Variants in COX15 observed in about 807,000 individuals in gnomAD.
COX15 encodes the protein heme A synthase COX15.
COX15 carries 51 observed loss-of-function variants against 51.9 expected under a neutral mutation model. That is an observed-to-expected ratio of 0.98 (90% CI 0.78 to 1.24). The LOEUF is 1.24. Among genes scored for constraint, COX15 ranks in the 50% most tolerant of loss-of-function variants. The probability of loss-of-function intolerance (pLI) is 0.00; values close to 1 mark genes in which losing one functional copy is unlikely to be tolerated. For missense variants in COX15, 420 were observed against 501.1 expected, an observed-to-expected ratio of 0.84 and a Z score of 1.55; for synonymous variants, 188 against 190.5, an observed-to-expected ratio of 0.99 and a Z score of 0.11.
the COX15 span, among the ~76,000 whole-genome samples, chr10:99,695,297 G>A: frequency 1.3e-5 from 2 of 151,998 alleles, no homozygotes; most frequent in East Asian, 3.9e-4. Flanking sequence ...GGCTGAGAAG[G>A]GCTGATCATG....
chr10:99,728,048 G>A (rs1365213983), intron 2 of COX15, among the ~76,000 whole-genome samples: 2 of 152,178 alleles, frequency 1.3e-5, no homozygotes, highest in African/African-American at 4.8e-5. Flanking sequence ...CGTGGAATGT[G>A]AAGAGAATTT....
In COX15 at chr10:99,718,413, G is replaced by A. The variant is rs1462060157; in HGVS notation, c.920C>T (p.Thr307Ile). ...GESWIPEDLFTFSPILRNVFE... is the reference protein window; with the variant it reads ...GESWIPEDLFIFSPILRNVFE... The stretch of plus-strand genomic sequence containing the variant: ...AACATTCCTCAGGATGGGGGAGAAG[G>A]TAAAGAGGTCCTCCGGGATCCAGGA... The change falls in exon 7 of 9, where the codon ACC becomes ATC. Residue 307 changes from threonine (T) to isoleucine (I), a missense_variant. Coordinates refer to ENST00000016171, the MANE Select transcript of COX15 (RefSeq NM_078470.6). The A allele has an allele frequency of 6.2e-7, 1 of 1,614,072 alleles. No individual in the cohort carries two copies. Among genetic ancestry groups the A allele is most frequent in the Non-Finnish European group, 8.5e-7 (1 of 1,179,980 alleles).
chr10:99,699,856 G>A, the COX15 span, among the ~76,000 whole-genome samples: 5 of 152,090 alleles, frequency 3.3e-5, no homozygotes, highest in South Asian at 8.3e-4. Context: ...GTGAGTCACC[G>A]TACCCAGCCT....
chr10:99,721,564 C>G (rs2036771459), intron 5 of COX15, among the ~76,000 whole-genome samples: 1 of 152,106 alleles, frequency 6.6e-6, no homozygotes, highest in Admixed American at 6.6e-5. Flanking sequence ...TGTTTTTATT[C>G]TTATTACCAA....
chr10:99,700,081 G>A, the COX15 span, among the ~76,000 whole-genome samples: 164 of 152,210 alleles, frequency 1.1e-3, no homozygotes, highest in African/African-American at 3.6e-3. Flanking sequence ...CCTCCAGGAC[G>A]ACCTTCACGC....
At chr10:99,698,701 C>T in the COX15 span, 1 of 1,614,154 alleles carries the variant, frequency 6.2e-7, no homozygotes, top group Non-Finnish European at 8.5e-7. Flanking sequence ...CTGGCTCGCT[C>T]CAACACCAGC....
At chr10:99,715,325 G>C (rs1199587029) in intron 8 of COX15, among the ~76,000 whole-genome samples, 1 of 152,068 alleles carries the variant, frequency 6.6e-6, no homozygotes, top group Non-Finnish European at 1.5e-5. Context: ...TTTTAGTAGA[G>C]ACAGAGTTTC....
chr10:99,702,506 A>C, the COX15 span: 1 of 1,536,962 alleles, frequency 6.5e-7, no homozygotes. Flanking sequence ...TATTTTTGTC[A>C]CACAGATATC....
At position 99,727,035 on chromosome 10, in the gene COX15, C is replaced by T. The variant is rs751512832; in HGVS notation, c.515G>A (p.Arg172Lys). 1.9e-6 allele frequency: 3 copies of T among 1,614,232 alleles called. No homozygotes were observed. Among genetic ancestry groups the T allele is most frequent in the Admixed American group, 3.3e-5 (2 of 60,028 alleles). The change falls in exon 4 of 9, where the codon AGA (arginine) becomes AAA (lysine). Residue 172 changes from arginine (R) to lysine (K), a missense_variant. Coordinates refer to ENST00000016171, the MANE Select transcript of COX15 (RefSeq NM_078470.6). ...CATGCCACGGCTGAGCCAGCCCTTTCTCCAAAAGTAGGCAGCAGGCAGGAT... is the reference window on the plus strand; with the variant it reads ...CATGCCACGGCTGAGCCAGCCCTTTTTCCAAAAGTAGGCAGCAGGCAGGAT... ...VYILPAAYFW[R>K]KGWLSRGMKG... is the part of the protein sequence containing the mutation.
chr10:99,704,679 C>A, the COX15 span: 1 of 1,612,752 alleles, frequency 6.2e-7, no homozygotes, highest in South Asian at 1.1e-5. Flanking sequence ...CAGGTGGGGC[C>A]GTGAGGCTGG....
chr10:99,696,944 G>A, the COX15 span, among the ~76,000 whole-genome samples: 2 of 152,120 alleles, frequency 1.3e-5, no homozygotes, highest in African/African-American at 2.4e-5. Context: ...ACCCAGTCAC[G>A]GAGAGAAGGA....
chr10:99,722,750 C>T (rs2036816616), intron 5 of COX15, among the ~76,000 whole-genome samples: 1 of 152,062 alleles, frequency 6.6e-6, no homozygotes, highest in African/African-American at 2.4e-5. Context: ...TGAAGAATTG[C>T]TTGAACCCGG....
the COX15 span, among the ~76,000 whole-genome samples, chr10:99,696,548 G>C: frequency 6.6e-6 from 1 of 152,146 alleles, no homozygotes; most frequent in Non-Finnish European, 1.5e-5. Flanking sequence ...ATGTCTAAAA[G>C]ATAAAAAGCA....
chr10:99,729,474 A>T, intron 2 of COX15, 79 bp downstream of exon 2: 2 of 1,483,210 alleles, frequency 1.3e-6, no homozygotes, highest in Non-Finnish European at 1.9e-6. Context: ...AAAAAAAAAA[A>T]AAAAATCCTT....
intron 2 of COX15, 71 bp from the exon 3 acceptor site, chr10:99,727,634 A>G: frequency 2.0e-6 from 3 of 1,533,500 alleles, no homozygotes; most frequent in Non-Finnish European, 2.7e-6. Context: ...TATAGCAACA[A>G]GTGGATCTGA....
At chr10:99,718,608 G>T in intron 6 of COX15, 108 bp from the exon 7 acceptor site, 1 of 1,142,158 alleles carries the variant, frequency 8.8e-7, no homozygotes, top group Non-Finnish European at 1.3e-6. Context: ...TAAGGGAACA[G>T]TCAGAGAATA....
chr10:99,706,484 C>T (rs536515016), downstream of COX15, among the ~76,000 whole-genome samples: 14 of 147,772 alleles, frequency 9.5e-5, no homozygotes, highest in Middle Eastern at 3.5e-3. Flanking sequence ...TACAGGTGTG[C>T]GCCACCACAC....
chr10:99,727,220 G>A (rs1263179769), intron 3 of COX15, 66 bp from the exon 4 acceptor site: 33 of 1,569,416 alleles, frequency 2.1e-5, no homozygotes, highest in Admixed American at 8.6e-5. Context: ...ATTTTCTTAC[G>A]GAATGCAAAA....
At chr10:99,704,862 G>C in the COX15 span, 1 of 631,430 alleles carries the variant, frequency 1.6e-6, no homozygotes, top group Non-Finnish European at 2.7e-6. Flanking sequence ...TCTGAGAGAA[G>C]CTATAATTTA....
Sources: gnomAD v4.1 joint callset for allele counts (sites outside exome capture counted in the v4.1 genomes callset) on GRCh38, gnomAD v4.1.1 for gene constraint, MANE v1.5 for transcripts, NCBI Gene and HGNC (gene_info 2026-07-23, HGNC 2026-07-21) for gene names.